EYS: variants seen among roughly 807,000 people sequenced by gnomAD.
EYS encodes EGF-like photoreceptor maintenance factor.
A neutral mutation model predicts 282.1 loss-of-function variants in EYS; 250 were observed. The ratio of observed to expected loss-of-function variants is 0.89; its 90% CI spans 0.80 to 0.98. EYS has a LOEUF of 0.98. EYS is among the 50% of genes least tolerant of loss of function. EYS has a pLI of 0.00. For missense variants in EYS, 4,016 were observed against 3,709.0 expected, an observed-to-expected ratio of 1.08 and a Z score of -2.15; for synonymous variants, 1,355 against 1,282.9, an observed-to-expected ratio of 1.06 and a Z score of -1.20.
intron 2 of EYS, among the ~76,000 whole-genome samples, chr6:65,527,511 T>C (rs1235022232): frequency 6.6e-6 from 1 of 152,168 alleles, no homozygotes; most frequent in Admixed American, 6.5e-5. Context: ...CTTTTAAAAG[T>C]CATCCAGTTT....
intron 33 of EYS, among the ~76,000 whole-genome samples, chr6:64,059,816 G>A (rs910333019): frequency 3.3e-5 from 5 of 152,138 alleles, no homozygotes; most frequent in African/African-American, 1.2e-4. Context: ...GACAGGCTAT[G>A]CATGGATAAA....
At chr6:65,490,849 T>C (rs1766016983) in intron 4 of EYS, 142 bp from the exon 5 acceptor site, 3 of 618,000 alleles carry the variant, frequency 4.9e-6, no homozygotes, top group Non-Finnish European at 8.8e-6. Context: ...GATGATGCAT[T>C]TAAATTGAAA....
At chr6:64,547,632 C>T (rs934437983) in intron 26 of EYS, among the ~76,000 whole-genome samples, 1 of 152,210 alleles carries the variant, frequency 6.6e-6, no homozygotes, top group Non-Finnish European at 1.5e-5. Flanking sequence ...CTCCAAGTTG[C>T]CACCAAACTC....
chr6:65,270,797 C>G (rs995935206), intron 12 of EYS, among the ~76,000 whole-genome samples: 1 of 152,030 alleles, frequency 6.6e-6, no homozygotes, highest in Admixed American at 6.6e-5. Flanking sequence ...ACACAGATCA[C>G]TTCTGCTCCA....
chr6:63,828,258 CT>C (rs1333124843), intron 36 of EYS, among the ~76,000 whole-genome samples: 19 of 152,092 alleles, frequency 1.2e-4, no homozygotes, highest in Admixed American at 1.2e-3. Flanking sequence ...GAAATTGAAA[CT>C]AAAAAATACA....
At chr6:64,342,874 A>G (rs1201654792) in intron 29 of EYS, among the ~76,000 whole-genome samples, 1 of 152,164 alleles carries the variant, frequency 6.6e-6, no homozygotes, top group Non-Finnish European at 1.5e-5. Flanking sequence ...TACCAAGCAA[A>G]TGGAAAACAA....
At chr6:63,986,418 C>T (rs1055596699) in intron 34 of EYS, among the ~76,000 whole-genome samples, 12 of 151,784 alleles carry the variant, frequency 7.9e-5, no homozygotes, top group African/African-American at 2.7e-4. Context: ...AATCCCATTA[C>T]TGGATATATA....
chr6:64,062,199 A>T (rs1360544692), intron 33 of EYS, among the ~76,000 whole-genome samples: 1 of 152,198 alleles, frequency 6.6e-6, no homozygotes, highest in Non-Finnish European at 1.5e-5. Flanking sequence ...GTTAATGATG[A>T]AGTAAGACTA....
At chr6:65,135,556 G>C (rs1356284260) in intron 12 of EYS, among the ~76,000 whole-genome samples, 1 of 151,864 alleles carries the variant, frequency 6.6e-6, no homozygotes, top group Non-Finnish European at 1.5e-5. Flanking sequence ...TATAAATATA[G>C]ATTAAAAAAT....
At chr6:65,483,096 G>A (rs1347881948) in intron 5 of EYS, among the ~76,000 whole-genome samples, 2 of 151,896 alleles carry the variant, frequency 1.3e-5, no homozygotes, top group Non-Finnish European at 2.9e-5. Context: ...TCAAATTTGG[G>A]ATTACAATTA....
At chr6:64,024,153 C>T (rs2149822187) in intron 33 of EYS, among the ~76,000 whole-genome samples, 1 of 152,342 alleles carries the variant, frequency 6.6e-6, no homozygotes, top group East Asian at 1.9e-4. Context: ...GCAGCTCCAC[C>T]TGCAGCCCTG....
In EYS at chr6:65,384,451, A is replaced by G. The variant is rs1562140763; in HGVS notation, c.1234T>C (p.Cys412Arg). Residue 412 changes from cysteine (C) to arginine (R), a missense_variant, in exon 8 of 43, where the codon TGT becomes CGT. Coordinates refer to ENST00000503581, the MANE Select transcript of EYS (RefSeq NM_001142800.2). ...EKNCEKAIDHCKLLSINCLNE... is the reference protein window; with the variant it reads ...EKNCEKAIDHRKLLSINCLNE... ...AGACAGTTGATGCTGAGCAGTTTAC[A>G]GTGGTCAATTGCTTTCTCACAGTTT... 6.2e-7 allele frequency: 1 copy of G among 1,609,524 alleles called. No homozygotes were observed. Among genetic ancestry groups the G allele is most frequent in the Non-Finnish European group, 8.5e-7 (1 of 1,177,494 alleles).
At chr6:64,357,298 A>G (rs1771855252) in intron 29 of EYS, among the ~76,000 whole-genome samples, 1 of 146,360 alleles carries the variant, frequency 6.8e-6, no homozygotes, top group Non-Finnish European at 1.5e-5. Context: ...GTAAACAATA[A>G]CAACAACTGT....
At chr6:65,566,984 A>T (rs576661244) in intron 2 of EYS, among the ~76,000 whole-genome samples, 67 of 152,236 alleles carry the variant, frequency 4.4e-4, no homozygotes, top group Middle Eastern at 3.4e-3. Flanking sequence ...TGTGTTGGAA[A>T]CTTACTCCCC....
intron 12 of EYS, among the ~76,000 whole-genome samples, chr6:65,123,636 T>C (rs1197554887): frequency 6.6e-6 from 1 of 152,024 alleles, no homozygotes; most frequent in African/African-American, 2.4e-5. Flanking sequence ...GGCTAATATA[T>C]GTTTATTACT....
chr6:64,897,181 G>C (rs140782757), intron 18 of EYS, among the ~76,000 whole-genome samples: 1 of 152,090 alleles, frequency 6.6e-6, no homozygotes, highest in African/African-American at 2.4e-5. Flanking sequence ...AGCAGCGGTC[G>C]ACAGACACCT....
At chr6:64,068,472 A>C (rs947834989) in intron 32 of EYS, among the ~76,000 whole-genome samples, 8 of 128,786 alleles carry the variant, frequency 6.2e-5, no homozygotes, top group Non-Finnish European at 1.3e-4. Context: ...TTTCCTTCAG[A>C]GTTATGATTA....
At position 64,595,938 on chromosome 6, in the gene EYS, G is replaced by T. The variant is rs142542604; in HGVS notation, c.3685-2629C>A. On this transcript the variant is annotated intron_variant, in intron 24 of 42. Coordinates refer to ENST00000503581, the MANE Select transcript of EYS (RefSeq NM_001142800.2). Reference sequence around the variant, plus strand: ...GTAGGTTTAATTGGCTCTCAGTTCTGCAGGCTTTAGAGGAAGCATGGTGCT... The same window carrying T: ...GTAGGTTTAATTGGCTCTCAGTTCTTCAGGCTTTAGAGGAAGCATGGTGCT... Among the ~76,000 whole-genome samples, 467 of 152,242 alleles carry T rather than the reference G, an allele frequency of 3.1e-3. 1 individual carries two copies. Among genetic ancestry groups the T allele is most frequent in the African/African-American group, 9.9e-3 (413 of 41,544 alleles).
chr6:65,645,945 T>C (rs1170720799), intron 1 of EYS, among the ~76,000 whole-genome samples: 1 of 152,044 alleles, frequency 6.6e-6, no homozygotes, highest in Admixed American at 6.6e-5. Context: ...GTTAAATTCC[T>C]GGAAAGAAAC....
Sources: gnomAD v4.1 joint callset for allele counts (sites outside exome capture counted in the v4.1 genomes callset) on GRCh38, gnomAD v4.1.1 for gene constraint, MANE v1.5 for transcripts, NCBI Gene and HGNC (gene_info 2026-07-23, HGNC 2026-07-21) for gene names.